The following TXNDC12 variants were observed in gnomAD, a reference collection of about 807,000 sequenced individuals.
TXNDC12 encodes thioredoxin domain-containing protein 12.
TXNDC12 carries 22 observed loss-of-function variants against 24.2 expected under a neutral mutation model. The ratio of observed to expected loss-of-function variants is 0.91; its 90% CI spans 0.65 to 1.30. The LOEUF is 1.30. TXNDC12 is among the 50% of genes most tolerant of loss of function. TXNDC12 has a pLI of 0.00. For missense variants in TXNDC12, 184 were observed against 205.8 expected (o/e 0.89, Z 0.65); for synonymous variants, 58 against 73.4 (o/e 0.79, Z 1.07).
intron 1 of TXNDC12, among the ~76,000 whole-genome samples, chr1:52,051,516 C>T (rs2124395781): frequency 6.6e-6 from 1 of 152,320 alleles, no homozygotes; most frequent in South Asian, 2.1e-4. Context: ...GCTAGGATTA[C>T]AGGCGTGTGC....
intron 2 of TXNDC12, chr1:52,033,442 C>T: frequency 1.9e-6 from 3 of 1,612,988 alleles, no homozygotes; most frequent in Non-Finnish European, 2.5e-6. Context: ...GGGCCGTACG[C>T]AGTAGACCAG....
At chr1:52,042,374 C>T (rs1686008688) in intron 1 of TXNDC12, among the ~76,000 whole-genome samples, 1 of 152,138 alleles carries the variant, frequency 6.6e-6, no homozygotes, top group Admixed American at 6.6e-5. Context: ...TTTACAAAGC[C>T]TTTCAGAATA....
Position 52,032,794 on chromosome 1 carries a change from C to T in TXNDC12, c.159-4164G>A. 2.5e-6 allele frequency: 4 copies of T among 1,614,174 alleles called. No homozygotes were observed. The East Asian group carries it at 8.9e-5, about 36-fold the overall frequency. On this transcript the variant is annotated intron_variant, in intron 2 of 6. Transcript: ENST00000371626. Reference sequence around the variant, plus strand: ...CATTTTAGTGTACGAAATAAACTGGCGACGAAGGCGACTCAGTTCTGCCAT... The same window carrying T: ...CATTTTAGTGTACGAAATAAACTGGTGACGAAGGCGACTCAGTTCTGCCAT...
chr1:52,024,374 C>T (rs1481345002), intron 5 of TXNDC12, 136 bp downstream of exon 5: 3 of 675,692 alleles, frequency 4.4e-6, no homozygotes, highest in Non-Finnish European at 7.8e-6. Flanking sequence ...TTCAGAACTC[C>T]CCCACTCTCT....
chr1:52,027,057 T>C (rs1320510467), intron 4 of TXNDC12, among the ~76,000 whole-genome samples: 2 of 151,850 alleles, frequency 1.3e-5, no homozygotes, highest in Non-Finnish European at 2.9e-5. Context: ...AATTTAGTCA[T>C]CTTATTCAAT....
chr1:52,042,199 T>C lies in TXNDC12; in HGVS notation c.98-602A>G, dbSNP rs77938252. Among the ~76,000 whole-genome samples the C allele has an allele frequency of 7.1e-3, 1,082 of 152,330 alleles. 14 individuals carry two copies. The highest frequency in any genetic ancestry group is 0.025 in the African/African-American group (1,042 of 41,578). ...TATTCCCACAATTCACCCAGAGTAA[T>C]CTTCCTATTTTATTTTTTGAAACTC... is the stretch of plus-strand genomic sequence containing the variant. On this transcript the variant is annotated intron_variant, in intron 1 of 6. Coordinates refer to ENST00000371626, the MANE Select transcript of TXNDC12 (RefSeq NM_015913.4).
chr1:52,033,398 CGCCCGCCACCTGAGGTCCCGCGATCGG>C (rs377187997), intron 2 of TXNDC12: 83,295 of 1,613,162 alleles, frequency 0.052, 2,345 homozygotes, highest in South Asian at 0.07. Context: ...TTCTCGTTCG[CGCCCGCCACCTGAGGTCCCGCGATCGG>C]GCCGCCGGGC....
chr1:52,045,173 T>C (rs1356352388), intron 1 of TXNDC12, among the ~76,000 whole-genome samples: 1 of 152,176 alleles, frequency 6.6e-6, no homozygotes, highest in Non-Finnish European at 1.5e-5. Context: ...ATATACTACA[T>C]AATTCCAATT....
At chr1:52,053,715 G>T (rs370831647) in intron 1 of TXNDC12, among the ~76,000 whole-genome samples, 1 of 151,996 alleles carries the variant, frequency 6.6e-6, no homozygotes, top group Non-Finnish European at 1.5e-5. Flanking sequence ...TTTTAAAATG[G>T]GATTGTCAGT....
Position 52,020,293 on chromosome 1 carries a change from T to C in TXNDC12, c.*640A>G. Reference sequence around the variant, plus strand: ...TAACAAGGGAAAGCATGCTTCCACCTGGAGCCGAGTCCAAGCACACAGCCA... The same window carrying C: ...TAACAAGGGAAAGCATGCTTCCACCCGGAGCCGAGTCCAAGCACACAGCCA... On this transcript the variant is annotated 3_prime_UTR_variant, in exon 7 of 7. Coordinates refer to ENST00000371626, the MANE Select transcript of TXNDC12 (RefSeq NM_015913.4). 1 of 384,580 alleles carries C rather than the reference T, an allele frequency of 2.6e-6. No individual in the cohort carries two copies. The highest frequency in any genetic ancestry group is 5.1e-6 in the Non-Finnish European group (1 of 195,020). The allele number at this position is 384,580 out of a possible 1,614,324, so 23.8% of individuals were successfully genotyped here. A position where few individuals can be genotyped will look rare whatever the true frequency, so the allele number is the denominator to read the frequency against.
At chr1:52,041,795 G>T (rs190858893) in intron 1 of TXNDC12, among the ~76,000 whole-genome samples, 198 bp from the exon 2 acceptor site, 355 of 152,328 alleles carry the variant, frequency 2.3e-3, no homozygotes, top group Non-Finnish European at 4.2e-3. Flanking sequence ...GCAAAATGGA[G>T]ACACCACCAC....
chr1:52,033,798 CA>C (rs1283757969), intron 2 of TXNDC12: 17 of 1,529,544 alleles, frequency 1.1e-5, no homozygotes, highest in Non-Finnish European at 1.5e-5. Context: ...CGCGCTGCGC[CA>C]ACTTCCGGGT....
intron 1 of TXNDC12, among the ~76,000 whole-genome samples, chr1:52,053,354 GT>G (rs985982129): frequency 8.6e-5 from 13 of 151,970 alleles, no homozygotes; most frequent in African/African-American, 2.9e-4. Context: ...GTTACTCTCA[GT>G]ACTTACAACT....
intron 1 of TXNDC12, among the ~76,000 whole-genome samples, chr1:52,051,551 T>C (rs1686206263): frequency 6.6e-6 from 1 of 151,778 alleles, no homozygotes; most frequent in Admixed American, 6.6e-5. Context: ...AATTTTTGTA[T>C]TTTTTTTAGT....
chr1:52,023,148 A>G, intron 6 of TXNDC12: 1 of 215,722 alleles, frequency 4.6e-6, no homozygotes, highest in African/African-American at 2.3e-5. Context: ...TCTTCCACTG[A>G]ATTTTCATAG....
At chr1:52,042,860 G>A (rs922289736) in intron 1 of TXNDC12, among the ~76,000 whole-genome samples, 5 of 152,194 alleles carry the variant, frequency 3.3e-5, no homozygotes, top group African/African-American at 1.2e-4. Context: ...GACCTCAGGT[G>A]ATCTGCCCGC....
intron 2 of TXNDC12, among the ~76,000 whole-genome samples, chr1:52,039,174 G>A (rs187594577): frequency 1.3e-3 from 197 of 146,046 alleles, no homozygotes; most frequent in African/African-American, 4.7e-3. Context: ...TACATATCAA[G>A]CAATTCAATT....
rs192635792 is a variant in TXNDC12 at position 52,023,966 on chromosome 1, T to C, written c.356-392A>G. On this transcript the variant is annotated intron_variant, in intron 5 of 6. Coordinates refer to ENST00000371626, the MANE Select transcript of TXNDC12 (RefSeq NM_015913.4). The stretch of plus-strand genomic sequence containing the variant: ...CATATGGCTGATGCGCAAATGGCTA[T>C]TGAAGTGAATAAATGATCAAACTCT... 4.1e-3 allele frequency among the ~76,000 whole-genome samples: 625 copies of C among 152,148 alleles called. 3 individuals are homozygous for C. The highest frequency in any genetic ancestry group is 0.014 in the African/African-American group (588 of 41,498).
At chr1:52,035,202 A>G (rs1685859269) in intron 2 of TXNDC12, among the ~76,000 whole-genome samples, 1 of 152,100 alleles carries the variant, frequency 6.6e-6, no homozygotes. Context: ...GTGCCTGTGC[A>G]TGTGTGTATA....
Sources: allele counts gnomAD v4.1 joint callset (sites outside exome capture counted in the v4.1 genomes callset), GRCh38; gene constraint gnomAD v4.1.1; transcripts MANE v1.5; gene names NCBI Gene and HGNC (gene_info 2026-07-23, HGNC 2026-07-21).